The following COL22A1 variants were observed in gnomAD, a reference collection of about 807,000 sequenced individuals.
The protein encoded by COL22A1 is collagen type XXII alpha 1 chain, also known as collagen alpha-1(XXII) chain.
A neutral mutation model predicts 248.9 loss-of-function variants in COL22A1; 221 were observed. That is an observed-to-expected ratio of 0.89 (90% CI 0.80 to 0.99). The LOEUF (loss-of-function observed/expected upper bound fraction) is 0.99. Ranked by LOEUF, COL22A1 falls within the 50% of genes least tolerant of loss-of-function variation. The pLI, the probability that COL22A1 is intolerant of heterozygous loss-of-function variation, is 0.00. For missense variants in COL22A1, 2,240 were observed against 2,179.0 expected, an observed-to-expected ratio of 1.03 and a Z score of -0.56; for synonymous variants, 891 against 793.4, an observed-to-expected ratio of 1.12 and a Z score of -2.07.
chr8:138,645,780 T>C lies in COL22A1; in HGVS notation c.3501+849A>G, dbSNP rs79135838. Among the ~76,000 whole-genome samples, 213 of 152,316 alleles carry C rather than the reference T, an allele frequency of 1.4e-3. 1 individual carries two copies. Among genetic ancestry groups the C allele is most frequent in the Admixed American group, 2.5e-3 (38 of 15,290 alleles). On this transcript the variant is annotated intron_variant, in intron 47 of 64. Transcript: ENST00000303045. Reference sequence around the variant, plus strand: ...ATTGACAATTTTATGCCACCTCTTCTACCAGATGAGGCATGCTATGTCCAG... The same window carrying C: ...ATTGACAATTTTATGCCACCTCTTCCACCAGATGAGGCATGCTATGTCCAG...
In COL22A1 at chr8:138,781,391, A is replaced by G. The variant is rs149903655; in HGVS notation, c.1597-411T>C. Among the ~76,000 whole-genome samples, 148 of 152,242 alleles carry G rather than the reference A, an allele frequency of 9.7e-4. 2 individuals are homozygous for G. The highest frequency in any genetic ancestry group is 7.7e-3 in the Admixed American group (118 of 15,288). On this transcript the variant is annotated intron_variant, in intron 12 of 64. Transcript: ENST00000303045. ...ACATCTGACTGGATGAGCCTTTGCT[A>G]TGGGGCTGAGCTGTGCACTGTAGGA...
intron 11 of COL22A1, among the ~76,000 whole-genome samples, chr8:138,802,145 AG>A (rs1378026893): frequency 6.6e-6 from 1 of 152,158 alleles, no homozygotes; most frequent in Non-Finnish European, 1.5e-5. Context: ...TTTACAGATG[AG>A]AAAACTAAGG....
intron 1 of COL22A1, among the ~76,000 whole-genome samples, chr8:138,896,757 G>A (rs145731359): frequency 8.5e-5 from 13 of 152,314 alleles, no homozygotes; most frequent in African/African-American, 2.9e-4. Context: ...CAGATCACCT[G>A]AGGTCAGAAG....
intron 1 of COL22A1, among the ~76,000 whole-genome samples, chr8:138,892,586 C>A (rs1301508376): frequency 2.6e-5 from 4 of 152,188 alleles, no homozygotes; most frequent in African/African-American, 9.7e-5. Context: ...GCCAAGCTGG[C>A]AGGATGTAGG....
chr8:138,613,713 G>A (rs567694315), intron 56 of COL22A1, among the ~76,000 whole-genome samples, 154 bp downstream of exon 56: 34 of 151,658 alleles, frequency 2.2e-4, no homozygotes, highest in South Asian at 6.3e-4. Context: ...AGGTGACTAG[G>A]GGGACTTAGG....
intron 59 of COL22A1, 149 bp from the exon 60 acceptor site, chr8:138,602,308 T>G: frequency 5.5e-6 from 4 of 723,860 alleles, no homozygotes; most frequent in South Asian, 1.7e-5. Context: ...GATTTATGCC[T>G]ACATGGTGGG....
chr8:138,855,452 C>T (rs1225663042), intron 3 of COL22A1, among the ~76,000 whole-genome samples: 3 of 152,130 alleles, frequency 2.0e-5, no homozygotes, highest in African/African-American at 7.2e-5. Flanking sequence ...CCTGCTAGGC[C>T]GGGGGAGAGC....
intron 41 of COL22A1, among the ~76,000 whole-genome samples, chr8:138,674,422 T>C (rs1013399011): frequency 6.6e-6 from 1 of 152,180 alleles, no homozygotes; most frequent in Admixed American, 6.5e-5. Context: ...AGGCCATTAC[T>C]GGCCTGGGCT....
intron 16 of COL22A1, among the ~76,000 whole-genome samples, chr8:138,769,774 C>T (rs1272401896): frequency 6.6e-6 from 1 of 152,222 alleles, no homozygotes; most frequent in Non-Finnish European, 1.5e-5. Context: ...ACACTGCCAA[C>T]CCCTCAAAAG....
At chr8:138,766,217 T>A (rs760351180) in intron 16 of COL22A1, among the ~76,000 whole-genome samples, 1 of 151,906 alleles carries the variant, frequency 6.6e-6, no homozygotes, top group South Asian at 2.1e-4. Context: ...CCAAGATGAG[T>A]GGAGTCTGGA....
chr8:138,663,526 C>T (rs1824173624), intron 42 of COL22A1, among the ~76,000 whole-genome samples, 179 bp downstream of exon 42: 1 of 152,198 alleles, frequency 6.6e-6, no homozygotes, highest in Non-Finnish European at 1.5e-5. Context: ...CTCATATGTA[C>T]ATCTATCACA....
chr8:138,788,778 T>C (rs1815768570), intron 12 of COL22A1, among the ~76,000 whole-genome samples: 1 of 152,220 alleles, frequency 6.6e-6, no homozygotes, highest in East Asian at 1.9e-4. Context: ...CAATGGTAAT[T>C]ATGTTTAACG....
At chr8:138,844,189 TG>T in intron 3 of COL22A1, 31 bp from the exon 4 acceptor site, 1 of 1,597,986 alleles carries the variant, frequency 6.3e-7, no homozygotes, top group East Asian at 2.2e-5. Context: ...CAGAGACTGA[TG>T]AGAAAATGTG....
chr8:138,802,832 C>T (rs1203000600), intron 11 of COL22A1, 40 bp downstream of exon 11: 1 of 1,553,180 alleles, frequency 6.4e-7, no homozygotes, highest in Non-Finnish European at 8.9e-7. Flanking sequence ...CCACGCCCGC[C>T]CTGAGGTTCA....
At chr8:138,868,290 C>G (rs11776125) in intron 3 of COL22A1, among the ~76,000 whole-genome samples, 54,245 of 151,808 alleles carry the variant, frequency 0.36, 10,832 homozygotes, top group African/African-American at 0.52. Flanking sequence ...GTTCTCAAAG[C>G]GGGCAACATC....
chr8:138,868,728 GTCC>G (rs1823088149), intron 3 of COL22A1, among the ~76,000 whole-genome samples: 3 of 139,758 alleles, frequency 2.1e-5, no homozygotes, highest in Non-Finnish European at 3.2e-5. Context: ...TGTCATCATT[GTCC>G]TCCTTTTTTT....
In COL22A1 at chr8:138,857,150, T is replaced by C. The variant is rs73368830; in HGVS notation, c.659-12992A>G. Among the ~76,000 whole-genome samples, 767 of 151,922 alleles carry C rather than the reference T, an allele frequency of 5.0e-3. 5 individuals are homozygous for C. Among genetic ancestry groups the C allele is most frequent in the African/African-American group, 0.017 (688 of 41,420 alleles). On this transcript the variant is annotated intron_variant, in intron 3 of 64. Transcript: ENST00000303045. ...CTCTGCCCACGCCTGCCCCTACCTC[T>C]ATCTGCTGACCCCATGCCCACCTCC...
intron 23 of COL22A1, 111 bp downstream of exon 23, chr8:138,737,413 G>T: frequency 2.6e-6 from 2 of 767,034 alleles, no homozygotes; most frequent in African/African-American, 1.7e-5. Context: ...TTAATAGTTT[G>T]ATGAGGTGAC....
At chr8:138,833,689 T>C (rs948606126) in intron 4 of COL22A1, among the ~76,000 whole-genome samples, 1 of 152,204 alleles carries the variant, frequency 6.6e-6, no homozygotes, top group Non-Finnish European at 1.5e-5. Flanking sequence ...AATGATTTTG[T>C]TTTGTTTTGC....
Sources: gnomAD v4.1 joint callset for allele counts (sites outside exome capture counted in the v4.1 genomes callset) on GRCh38, gnomAD v4.1.1 for gene constraint, MANE v1.5 for transcripts, NCBI Gene and HGNC (gene_info 2026-07-23, HGNC 2026-07-21) for gene names.